Variants in SCAPER observed in about 807,000 individuals in gnomAD.
SCAPER encodes the protein S-phase cyclin A associated protein in the ER.
In SCAPER, 98 loss-of-function variants were observed where a neutral mutation model predicts 182.2. The ratio of observed to expected loss-of-function variants is 0.54; its 90% CI spans 0.46 to 0.64. The LOEUF (loss-of-function observed/expected upper bound fraction) is 0.64, where lower values mean the gene tolerates loss of function less well. Among genes scored for constraint, SCAPER ranks in the 30% least tolerant of loss-of-function variants. The pLI is 0.00. For missense variants in SCAPER, 1,432 were observed against 1,690.0 expected (o/e 0.85, Z 2.68); for synonymous variants, 605 against 564.6 (o/e 1.07, Z -1.01).
At chr15:76,648,498 G>A (rs181937556) in intron 21 of SCAPER, among the ~76,000 whole-genome samples, 2 of 152,238 alleles carry the variant, frequency 1.3e-5, no homozygotes, top group Non-Finnish European at 2.9e-5. Flanking sequence ...ATCCAAATTT[G>A]GGGTAAAATA....
At chr15:76,778,434 G>C (rs534571978) in intron 8 of SCAPER, among the ~76,000 whole-genome samples, 1 of 151,892 alleles carries the variant, frequency 6.6e-6, no homozygotes, top group Non-Finnish European at 1.5e-5. Context: ...AATACTATGA[G>C]TAAATCAAAA....
chr15:76,470,679 G>C (rs2050083198), intron 25 of SCAPER, among the ~76,000 whole-genome samples: 1 of 152,080 alleles, frequency 6.6e-6, no homozygotes, highest in Admixed American at 6.6e-5. Context: ...CAACATCTGT[G>C]AACTGAAGTA....
At chr15:76,729,566 G>A (rs1290048522) in intron 16 of SCAPER, among the ~76,000 whole-genome samples, 1 of 152,068 alleles carries the variant, frequency 6.6e-6, no homozygotes, top group Admixed American at 6.6e-5. Flanking sequence ...AGAGCACAGT[G>A]GGTGTAAGAG....
chr15:76,772,085 T>A (rs923606933), intron 9 of SCAPER, 131 bp from the exon 10 acceptor site: 4 of 676,866 alleles, frequency 5.9e-6, no homozygotes, highest in South Asian at 4.0e-5. Flanking sequence ...GACAGAAAAT[T>A]TACTCATCTT....
chr15:76,665,260 A>G (rs1432360323), intron 21 of SCAPER, among the ~76,000 whole-genome samples: 1 of 152,172 alleles, frequency 6.6e-6, no homozygotes, highest in African/African-American at 2.4e-5. Context: ...AAGCCTAGTC[A>G]TGGGATTTGA....
chr15:76,542,390 G>A (rs1466315702), intron 23 of SCAPER, among the ~76,000 whole-genome samples: 1 of 151,934 alleles, frequency 6.6e-6, no homozygotes, highest in African/African-American at 2.4e-5. Flanking sequence ...GGATGTGGTG[G>A]TGGCCACCTG....
At chr15:76,892,232 C>G (rs1056569874) in intron 1 of SCAPER, among the ~76,000 whole-genome samples, 7 of 152,164 alleles carry the variant, frequency 4.6e-5, no homozygotes, top group African/African-American at 1.7e-4. Context: ...TAGAAGAAAA[C>G]CTAGGCAATA....
intron 17 of SCAPER, among the ~76,000 whole-genome samples, chr15:76,706,466 C>T (rs1318016762): frequency 2.0e-5 from 3 of 152,044 alleles, no homozygotes; most frequent in Admixed American, 6.6e-5. Flanking sequence ...TAGCAAAATT[C>T]CATAGAAGCT....
chr15:76,533,472 T>C (rs1422640074), intron 23 of SCAPER, among the ~76,000 whole-genome samples: 2 of 152,110 alleles, frequency 1.3e-5, no homozygotes, highest in Non-Finnish European at 2.9e-5. Context: ...ATTTGTACCC[T>C]AGGAGCAATA....
At chr15:76,406,941 T>C in intron 26 of SCAPER, among the ~76,000 whole-genome samples, 1 of 152,220 alleles carries the variant, frequency 6.6e-6, no homozygotes, top group East Asian at 1.9e-4. Flanking sequence ...GTGGGATTAA[T>C]ATATGACCAT....
intron 24 of SCAPER, among the ~76,000 whole-genome samples, chr15:76,499,583 C>T (rs1275538825): frequency 6.6e-6 from 1 of 152,160 alleles, no homozygotes; most frequent in East Asian, 1.9e-4. Context: ...TACTATGTCT[C>T]ATGATCCTAA....
intron 29 of SCAPER, among the ~76,000 whole-genome samples, chr15:76,356,606 C>G (rs2456035): frequency 0.97 from 147,142 of 152,298 alleles, 71,298 homozygotes; most frequent in South Asian, 1. Flanking sequence ...TGATGGAGCT[C>G]TTACTAAGTC....
At chr15:76,574,372 T>C in intron 22 of SCAPER, 88 bp from the exon 23 acceptor site, 1 of 1,445,600 alleles carries the variant, frequency 6.9e-7, no homozygotes, top group Admixed American at 2.1e-5. Flanking sequence ...ACAAGTTACT[T>C]TCAGTATTGG....
At chr15:76,635,069 T>C (rs561637153) in intron 21 of SCAPER, among the ~76,000 whole-genome samples, 153 of 152,276 alleles carry the variant, frequency 1.0e-3, no homozygotes, top group Middle Eastern at 3.4e-3. Flanking sequence ...GTTTCTAATA[T>C]TAAACACTGA....
intron 24 of SCAPER, among the ~76,000 whole-genome samples, chr15:76,476,486 T>C (rs2143008392): frequency 6.6e-6 from 1 of 151,868 alleles, no homozygotes; most frequent in South Asian, 2.1e-4. Flanking sequence ...TGGAGTGCAG[T>C]GGCATGATCA....
chr15:76,607,537 G>A (rs2145881089), intron 22 of SCAPER, among the ~76,000 whole-genome samples: 1 of 152,280 alleles, frequency 6.6e-6, no homozygotes, highest in Admixed American at 6.5e-5. Context: ...GGCATTCTCT[G>A]TATTTCCTGG....
chr15:76,480,918 A>T (rs1021051780), intron 24 of SCAPER, among the ~76,000 whole-genome samples: 2 of 152,046 alleles, frequency 1.3e-5, no homozygotes, highest in African/African-American at 4.8e-5. Context: ...TTTTTAGTAG[A>T]GACGGAGTTT....
Position 76,786,220 on chromosome 15 carries a change from G to A in SCAPER, c.772+9060C>T, listed in dbSNP as rs538697243. Among the ~76,000 whole-genome samples the A allele has an allele frequency of 7.9e-5, 12 of 151,410 alleles. No homozygotes were observed. In the South Asian group the frequency reaches 1.0e-3, roughly 13 times the overall value. On this transcript the variant is annotated intron_variant, in intron 8 of 31. Coordinates refer to ENST00000563290, the MANE Select transcript of SCAPER (RefSeq NM_020843.4). ...TGCGTGCCTGTTATCCCAGCTACTC[G>A]GGAGGCTGAGGCAGGAGAATCACTT...
At position 76,353,962 on chromosome 15, in the gene SCAPER, GC is replaced by G; in HGVS notation, c.4033del (p.Ala1345ProfsTer51). The G allele has an allele frequency of 6.4e-7, 1 of 1,574,050 alleles. No individual in the cohort carries two copies. The highest frequency in any genetic ancestry group is 8.6e-7 in the Non-Finnish European group (1 of 1,165,576). On this transcript the variant is annotated frameshift_variant, in exon 30 of 32. Coordinates refer to ENST00000563290, the MANE Select transcript of SCAPER (RefSeq NM_020843.4). LOFTEE classifies it high-confidence loss of function. ...LEQEMSCVLLATFIQDLAQTP... is the reference protein window; with the variant it reads ...LEQEMSCVLLXTFIQDLAQTP... ...TGTAGAAGGTACCTGAATGAAAGTG[GC>G]CAGTAAAACACAGCTCATCTCTTGC...
Sources: allele counts gnomAD v4.1 joint callset (sites outside exome capture counted in the v4.1 genomes callset), GRCh38; gene constraint gnomAD v4.1.1; transcripts MANE v1.5; gene names NCBI Gene and HGNC (gene_info 2026-07-23, HGNC 2026-07-21).